SLC25A33: variants seen among roughly 807,000 people sequenced by gnomAD.
The protein encoded by SLC25A33 is bone marrow stromal cell mitochondrial carrier protein.
In SLC25A33, 15 loss-of-function variants were observed where a neutral mutation model predicts 35.5. That is an observed-to-expected ratio of 0.42 (90% CI 0.28 to 0.65). The LOEUF (loss-of-function observed/expected upper bound fraction) is 0.65, where lower values mean the gene tolerates loss of function less well. Among genes scored for constraint, SLC25A33 ranks in the 30% least tolerant of loss-of-function variants. SLC25A33 has a pLI of 0.20. For missense variants in SLC25A33, 257 were observed against 398.5 expected (o/e 0.64, Z 3.02); for synonymous variants, 136 against 148.7 (o/e 0.91, Z 0.62).
intron 1 of SLC25A33, among the ~76,000 whole-genome samples, chr1:9,540,166 G>T (rs1404410917): frequency 6.6e-6 from 1 of 152,196 alleles, no homozygotes; most frequent in Non-Finnish European, 1.5e-5. Flanking sequence ...TGATGCTCGG[G>T]TGTGCCCGAG....
At position 9,584,255 on chromosome 1, in the gene SLC25A33, A is replaced by G. The variant is rs981983639; in HGVS notation, c.*1754A>G. On this transcript the variant is annotated 3_prime_UTR_variant, in exon 7 of 7. Coordinates refer to ENST00000302692, the MANE Select transcript of SLC25A33 (RefSeq NM_032315.3). ...TAGGGTTAAGAGGAGGATATTTCCA[A>G]GTTATTTTAAATTGAGTTTACTTTT... The G allele has an allele frequency of 6.6e-6, 1 of 152,212 alleles. No homozygotes were observed. Among genetic ancestry groups the G allele is most frequent in the Non-Finnish European group, 1.5e-5 (1 of 68,034 alleles). The allele number at this position is 152,212 out of a possible 1,614,324, so 9.4% of individuals were successfully genotyped here.
At chr1:9,561,028 C>T (rs1384631287) in intron 2 of SLC25A33, among the ~76,000 whole-genome samples, 1 of 151,202 alleles carries the variant, frequency 6.6e-6, no homozygotes, top group Non-Finnish European at 1.5e-5. Context: ...CTGCTCACTG[C>T]AACCTCTGTC....
At chr1:9,577,035 G>A in intron 5 of SLC25A33, 1 of 801,640 alleles carries the variant, frequency 1.2e-6, no homozygotes. Flanking sequence ...TGATTCCTAA[G>A]ACCTATTGGT....
intron 2 of SLC25A33, among the ~76,000 whole-genome samples, chr1:9,558,128 C>A (rs149606186): frequency 1.3e-5 from 2 of 152,228 alleles, no homozygotes; most frequent in Non-Finnish European, 2.9e-5. Flanking sequence ...AGTGACATGC[C>A]CAAAGTCATG....
At chr1:9,579,692 T>G (rs975914772) in intron 5 of SLC25A33, among the ~76,000 whole-genome samples, 3 of 152,084 alleles carry the variant, frequency 2.0e-5, no homozygotes, top group African/African-American at 7.2e-5. Flanking sequence ...AGGAGGGGAC[T>G]CTCATGGAGT....
At chr1:9,581,889 A>G (rs1643749568) in intron 6 of SLC25A33, among the ~76,000 whole-genome samples, 2 of 152,140 alleles carry the variant, frequency 1.3e-5, no homozygotes, top group Non-Finnish European at 2.9e-5. Flanking sequence ...GAGGTGGGAA[A>G]TAGACACAGT....
At chr1:9,572,938 A>G (rs944503276) in intron 4 of SLC25A33, among the ~76,000 whole-genome samples, 10 of 152,100 alleles carry the variant, frequency 6.6e-5, no homozygotes, top group African/African-American at 2.4e-4. Flanking sequence ...AGAGATGGAG[A>G]AGGCATACTC....
chr1:9,564,493 A>G (rs1446503658), intron 2 of SLC25A33, among the ~76,000 whole-genome samples: 3 of 152,082 alleles, frequency 2.0e-5, no homozygotes, highest in African/African-American at 7.2e-5. Flanking sequence ...CACTACATAT[A>G]ATAGCCAAAA....
intron 5 of SLC25A33, 114 bp from the exon 6 acceptor site, chr1:9,579,840 A>G (rs1412613934): frequency 1.6e-6 from 2 of 1,262,584 alleles, no homozygotes; most frequent in African/African-American, 3.0e-5. Flanking sequence ...AGGAGCCAGG[A>G]AACAAGTATC....
At chr1:9,556,526 C>T (rs894711789) in intron 2 of SLC25A33, among the ~76,000 whole-genome samples, 3 of 152,188 alleles carry the variant, frequency 2.0e-5, no homozygotes, top group Admixed American at 6.6e-5. Flanking sequence ...TCAGCATCCC[C>T]AGTCCAGAAA....
intron 2 of SLC25A33, among the ~76,000 whole-genome samples, chr1:9,564,725 T>TAAAA (rs1553146726): frequency 0.011 from 1,025 of 94,360 alleles, 33 homozygotes; most frequent in African/African-American, 0.047. Flanking sequence ...CGTCTCTATT[T>TAAAA]AAAAAAAAAA....
chr1:9,546,174 ATTTTTTTTTT>A (rs746460317), intron 1 of SLC25A33, among the ~76,000 whole-genome samples: 13 of 100,520 alleles, frequency 1.3e-4, no homozygotes, highest in East Asian at 3.3e-4. Context: ...ACACAGAGAA[ATTTTTTTTTT>A]TTTTTTTTTT....
At chr1:9,541,687 A>ATT (rs752384884) in intron 1 of SLC25A33, among the ~76,000 whole-genome samples, 3,446 of 138,498 alleles carry the variant, frequency 0.025, 145 homozygotes, top group African/African-American at 0.087. Flanking sequence ...CAACTTGGCC[A>ATT]TTTTTTTTTT....
intron 3 of SLC25A33, among the ~76,000 whole-genome samples, chr1:9,569,105 C>T (rs753941721): frequency 4.6e-5 from 7 of 151,758 alleles, no homozygotes; most frequent in Non-Finnish European, 7.4e-5. Context: ...ATTAGCCAGG[C>T]GTGGTGACAT....
chr1:9,558,297 C>T (rs1440799795), intron 2 of SLC25A33, among the ~76,000 whole-genome samples: 1 of 152,220 alleles, frequency 6.6e-6, no homozygotes, highest in African/African-American at 2.4e-5. Context: ...ACCCTTCTGC[C>T]TCCGTGGCTA....
intron 4 of SLC25A33, among the ~76,000 whole-genome samples, chr1:9,571,739 G>A (rs1219168269): frequency 2.0e-5 from 3 of 151,936 alleles, no homozygotes; most frequent in Non-Finnish European, 4.4e-5. Flanking sequence ...CTGGGCTCAA[G>A]CCATCCCTCC....
intron 1 of SLC25A33, among the ~76,000 whole-genome samples, chr1:9,549,102 G>A (rs1400306951): frequency 1.3e-5 from 2 of 152,188 alleles, no homozygotes; most frequent in East Asian, 1.9e-4. Flanking sequence ...AGAGGCTGGT[G>A]CATTGGCCCA....
In SLC25A33 at chr1:9,553,791, C is replaced by G; in HGVS notation, c.222C>G (p.Leu74=). Residue 74 remains leucine, a synonymous_variant, in exon 2 of 7, where the codon CTC becomes CTG. Transcript: ENST00000302692. ...GACCAACATCCGTGACACCTGGACT[C>G]TTTCAGGTTCTGAAGTAAGTTCAGT... The part of the protein sequence containing the change: ...MVRPTSVTPG[L]FQVLKSILEK... The G allele has an allele frequency of 6.2e-7, 1 of 1,613,908 alleles. No individual in the cohort carries two copies. The highest frequency in any genetic ancestry group is 8.5e-7 in the Non-Finnish European group (1 of 1,179,886).
At chr1:9,564,301 G>C (rs1643468287) in intron 2 of SLC25A33, among the ~76,000 whole-genome samples, 1 of 152,116 alleles carries the variant, frequency 6.6e-6, no homozygotes. Context: ...AGAGAAATCG[G>C]AACCCCTTTT....
Sources: gnomAD v4.1 joint callset for allele counts (sites outside exome capture counted in the v4.1 genomes callset) on GRCh38, gnomAD v4.1.1 for gene constraint, MANE v1.5 for transcripts, NCBI Gene and HGNC (gene_info 2026-07-23, HGNC 2026-07-21) for gene names.